CCSER1: variants seen among roughly 807,000 people sequenced by gnomAD.
CCSER1 encodes coiled-coil serine rich protein 1.
Under a neutral mutation model 82.0 loss-of-function variants are expected in CCSER1, and 41 were observed. The observed-to-expected ratio is 0.50, with a 90% confidence interval of 0.39 to 0.65. The LOEUF is 0.65. Ranked by LOEUF, CCSER1 falls within the 30% of genes least tolerant of loss-of-function variation. The pLI is 0.00. For synonymous variants in CCSER1, 414 were observed against 383.9 expected, an observed-to-expected ratio of 1.08 and a Z score of -0.92; for missense variants, 1,119 against 1,064.2, an observed-to-expected ratio of 1.05 and a Z score of -0.72.
chr4:90,373,705 G>A (rs1181360630), intron 3 of CCSER1, among the ~76,000 whole-genome samples: 1 of 152,080 alleles, frequency 6.6e-6, no homozygotes, highest in African/African-American at 2.4e-5. Flanking sequence ...TTCTTCATGG[G>A]TCTCCAGCAT....
At chr4:90,689,687 C>T (rs1735463296) in intron 6 of CCSER1, among the ~76,000 whole-genome samples, 1 of 151,856 alleles carries the variant, frequency 6.6e-6, no homozygotes, top group Admixed American at 6.6e-5. Context: ...GTAAGTGCTC[C>T]CAGGAAGATG....
chr4:90,239,777 A>G (rs902463589), intron 1 of CCSER1, among the ~76,000 whole-genome samples: 1 of 152,078 alleles, frequency 6.6e-6, no homozygotes, highest in Middle Eastern at 3.2e-3. Flanking sequence ...ACCTGCCCCA[A>G]TTCTGTATTT....
intron 10 of CCSER1, among the ~76,000 whole-genome samples, chr4:91,398,348 C>T (rs1264149283): frequency 6.6e-6 from 1 of 151,740 alleles, no homozygotes; most frequent in Non-Finnish European, 1.5e-5. Flanking sequence ...AAAATGAAAA[C>T]TGAATTAAAA....
At chr4:90,969,540 A>G (rs1734885667) in intron 9 of CCSER1, among the ~76,000 whole-genome samples, 1 of 151,944 alleles carries the variant, frequency 6.6e-6, no homozygotes, top group Non-Finnish European at 1.5e-5. Context: ...CCAAGATACT[A>G]CACCCACAAA....
chr4:91,591,868 C>A (rs1030383103), intron 10 of CCSER1, among the ~76,000 whole-genome samples: 20 of 151,990 alleles, frequency 1.3e-4, no homozygotes, highest in African/African-American at 4.8e-4. Flanking sequence ...ACAAAATACA[C>A]TGAAATTGAT....
intron 8 of CCSER1, among the ~76,000 whole-genome samples, chr4:90,822,236 T>C (rs576248663): frequency 2.6e-5 from 4 of 152,218 alleles, no homozygotes; most frequent in East Asian, 1.9e-4. Context: ...GATGACAATT[T>C]ACATATACAC....
Position 90,923,366 on chromosome 4 carries a change from G to A in CCSER1, c.2095-4G>A, listed in dbSNP as rs377347440. 4.2e-5 allele frequency: 65 copies of A among 1,549,696 alleles called. No homozygotes were observed. The African/African-American group carries it at 8.5e-4, about 20-fold the overall frequency. On this transcript the variant is annotated splice_region_variant and splice_polypyrimidine_tract_variant and intron_variant, in intron 8 of 10. Coordinates refer to ENST00000509176, the MANE Select transcript of CCSER1 (RefSeq NM_001145065.2). ...TGTGTTGTTGCTGTTTTTTCATTTT[G>A]CAGGGAAAAGTCCGGCATTTACAGA... is the stretch of plus-strand genomic sequence containing the variant.
chr4:91,557,609 A>G (rs1385107311), intron 10 of CCSER1, among the ~76,000 whole-genome samples: 1 of 151,570 alleles, frequency 6.6e-6, no homozygotes, highest in East Asian at 1.9e-4. Flanking sequence ...TAGGGATATT[A>G]GAGAAACTTA....
At chr4:90,251,000 A>G (rs1167272733) in intron 1 of CCSER1, among the ~76,000 whole-genome samples, 2 of 152,044 alleles carry the variant, frequency 1.3e-5, no homozygotes, top group African/African-American at 4.8e-5. Context: ...TTTCTACTGT[A>G]TAGAGATACA....
intron 7 of CCSER1, chr4:90,781,545 A>G (rs546194722): frequency 1.0e-6 from 1 of 980,970 alleles, no homozygotes; most frequent in Non-Finnish European, 1.2e-6. Context: ...TTTTTTTGAT[A>G]AAATATGAAA....
chr4:90,811,487 A>G (rs1758278427), intron 7 of CCSER1, among the ~76,000 whole-genome samples: 3 of 152,224 alleles, frequency 2.0e-5, no homozygotes, highest in Admixed American at 2.0e-4. Context: ...TGATAGAGAT[A>G]AAGGAAAAAT....
intron 6 of CCSER1, among the ~76,000 whole-genome samples, chr4:90,705,197 G>C (rs958292206): frequency 6.6e-6 from 1 of 152,190 alleles, no homozygotes; most frequent in African/African-American, 2.4e-5. Flanking sequence ...TAACAGTCAG[G>C]ACCCTCAGCT....
At chr4:91,236,300 A>G (rs1406326124) in intron 10 of CCSER1, among the ~76,000 whole-genome samples, 1 of 152,052 alleles carries the variant, frequency 6.6e-6, no homozygotes, top group Non-Finnish European at 1.5e-5. Flanking sequence ...ATCCTGGCCA[A>G]CATGGTGAAA....
chr4:90,550,474 G>T (rs1308192834), intron 5 of CCSER1, among the ~76,000 whole-genome samples: 3 of 152,010 alleles, frequency 2.0e-5, no homozygotes, highest in Non-Finnish European at 2.9e-5. Flanking sequence ...TTTGGCAGAA[G>T]AACTTTTCAT....
At chr4:91,305,825 G>T (rs1330098491) in intron 10 of CCSER1, among the ~76,000 whole-genome samples, 1 of 151,902 alleles carries the variant, frequency 6.6e-6, no homozygotes, top group African/African-American at 2.4e-5. Context: ...GAGGAGCAAG[G>T]CGCCTCTTAC....
chr4:91,527,934 T>C (rs563092479), intron 10 of CCSER1, among the ~76,000 whole-genome samples: 1 of 152,244 alleles, frequency 6.6e-6, no homozygotes, highest in Non-Finnish European at 1.5e-5. Flanking sequence ...GTTTTGTTTT[T>C]GAGACAGTCT....
At chr4:90,364,365 T>C (rs1478562252) in intron 3 of CCSER1, among the ~76,000 whole-genome samples, 3 of 151,988 alleles carry the variant, frequency 2.0e-5, no homozygotes, top group African/African-American at 7.2e-5. Flanking sequence ...AATAGAAAAA[T>C]GTGGAGATTT....
chr4:90,911,276 A>G (rs1270050371), intron 8 of CCSER1: 2 of 456,060 alleles, frequency 4.4e-6, no homozygotes, highest in African/African-American at 2.0e-5. Context: ...TTTGTGTTCC[A>G]TGAGAGGAGG....
At chr4:91,402,146 A>G (rs572021780) in intron 10 of CCSER1, among the ~76,000 whole-genome samples, 35 of 152,344 alleles carry the variant, frequency 2.3e-4, no homozygotes. Context: ...TCTGATGGGC[A>G]GTGATGATGA....
Sources: allele counts gnomAD v4.1 joint callset (sites outside exome capture counted in the v4.1 genomes callset), GRCh38; gene constraint gnomAD v4.1.1; transcripts MANE v1.5; gene names NCBI Gene and HGNC (gene_info 2026-07-23, HGNC 2026-07-21).